Variants in ATP8B1 observed in about 807,000 individuals in gnomAD.
ATP8B1 encodes the protein ATPase phospholipid transporting 8B1.
A neutral mutation model predicts 149.9 loss-of-function variants in ATP8B1; 80 were observed. That is an observed-to-expected ratio of 0.53 (90% CI 0.45 to 0.64). The LOEUF is 0.64. Among genes scored for constraint, ATP8B1 ranks in the 30% least tolerant of loss-of-function variants. The probability of loss-of-function intolerance (pLI) is 0.00; values close to 1 mark genes in which losing one functional copy is unlikely to be tolerated. For synonymous variants in ATP8B1, 536 were observed against 562.8 expected (o/e 0.95, Z 0.67); for missense variants, 1,247 against 1,552.6 (o/e 0.80, Z 3.31).
intron 1 of ATP8B1, among the ~76,000 whole-genome samples, chr18:57,750,604 G>A (rs2080007013): frequency 6.6e-6 from 1 of 152,162 alleles, no homozygotes; most frequent in Non-Finnish European, 1.5e-5. Flanking sequence ...CCGCAGCTAG[G>A]CCTGCCTTAT....
chr18:57,663,427 C>T (rs1910627742), intron 20 of ATP8B1, among the ~76,000 whole-genome samples: 1 of 152,088 alleles, frequency 6.6e-6, no homozygotes, highest in Admixed American at 6.6e-5. Context: ...ATCCTGCTTT[C>T]AATTATTTTG....
rs547538681 is a variant in ATP8B1, at chr18:57,778,933, T to C, written c.-26+24065A>G. Among the ~76,000 whole-genome samples the C allele has an allele frequency of 2.0e-5, 3 of 152,152 alleles. No homozygotes were observed. The South Asian group carries it at 6.2e-4, about 32-fold the overall frequency. On this transcript the variant is annotated intron_variant, in intron 1 of 27. Coordinates refer to ENST00000648908, the MANE Select transcript of ATP8B1 (RefSeq NM_001374385.1). ...GAGGATTTCCCAGAAACAGAAGAAA[T>C]CACAAATTACACTTCACAAGAATCC...
At chr18:57,748,875 T>C (rs1418756893) in intron 1 of ATP8B1, among the ~76,000 whole-genome samples, 2 of 152,250 alleles carry the variant, frequency 1.3e-5, no homozygotes, top group Non-Finnish European at 2.9e-5. Context: ...CAGAAGGAAC[T>C]GCAACTGGTG....
intron 1 of ATP8B1, among the ~76,000 whole-genome samples, chr18:57,781,097 G>A (rs2080352003): frequency 1.3e-5 from 2 of 152,092 alleles, no homozygotes; most frequent in Non-Finnish European, 1.5e-5. Context: ...TCATCTCCAA[G>A]AACACCAAAA....
chr18:57,668,429 C>G lies in ATP8B1; in HGVS notation c.2209G>C (p.Glu737Gln). ...KIWVLTGDKK[E>Q]TAENIGFACE... ...TATGCTTCCCTGCACAATGAATTAC[C>G]CTTTTTGTCTCCAGTAAGCACCCAG... The change falls in exon 19 of 28, where the codon GAA (glutamate) becomes CAA (glutamine). Residue 737 changes from glutamate (E) to glutamine (Q), a missense_variant and splice_region_variant. By Grantham distance (29) the Glu-to-Gln change is conservative (BLOSUM62 2). This residue lies in a region of ATP8B1 where 853 missense variants were observed against 1,035.7 expected (regional missense o/e 0.82). Coordinates refer to ENST00000648908, the MANE Select transcript of ATP8B1 (RefSeq NM_001374385.1). 6.3e-7 allele frequency: 1 copy of G among 1,596,876 alleles called. No individual in the cohort carries two copies. Among genetic ancestry groups the G allele is most frequent in the Non-Finnish European group, 8.6e-7 (1 of 1,164,728 alleles).
intron 2 of ATP8B1, among the ~76,000 whole-genome samples, chr18:57,714,103 G>A (rs1248365400): frequency 6.6e-6 from 1 of 152,202 alleles, no homozygotes; most frequent in African/African-American, 2.4e-5. Context: ...CAAGCTGACT[G>A]AAGAGGCCAT....
chr18:57,698,206 T>C lies in ATP8B1; in HGVS notation c.555-339A>G, dbSNP rs1403208845. Among the ~76,000 whole-genome samples, 11 of 152,214 alleles carry C rather than the reference T, an allele frequency of 7.2e-5. No individual in the cohort carries two copies. The South Asian group carries it at 1.2e-3, about 17-fold the overall frequency. ...GCCTCCCTGCTGTGTTCCTTCTCAG[T>C]GACCCATCACTTGCTCCATGCTGGT... On this transcript the variant is annotated intron_variant, in intron 6 of 27. Transcript: ENST00000648908.
chr18:57,759,591 C>T (rs887258054), intron 1 of ATP8B1, among the ~76,000 whole-genome samples: 4 of 151,854 alleles, frequency 2.6e-5, no homozygotes, highest in Non-Finnish European at 4.4e-5. Context: ...GGGCGGATCA[C>T]GAGGTCAGGA....
At chr18:57,668,237 AG>A in intron 19 of ATP8B1, 191 bp downstream of exon 19, 1 of 1,424,092 alleles carries the variant, frequency 7.0e-7, no homozygotes, top group Non-Finnish European at 9.4e-7. Context: ...ACTGCTACTG[AG>A]GGGGATCAGG....
chr18:57,732,145 G>GTGTA (rs1568043957), intron 1 of ATP8B1: 3 of 31,098 alleles, frequency 9.6e-5, no homozygotes, highest in African/African-American at 3.1e-4. Flanking sequence ...GTATATATGT[G>GTGTA]TATATATGTA....
intron 1 of ATP8B1, among the ~76,000 whole-genome samples, chr18:57,763,375 A>G (rs2123338533): frequency 6.7e-6 from 1 of 149,818 alleles, no homozygotes; most frequent in Non-Finnish European, 1.5e-5. Context: ...CTGGGCAAGA[A>G]GAGCGAAACC....
chr18:57,675,470 C>T (rs1396712253), intron 15 of ATP8B1, among the ~76,000 whole-genome samples: 1 of 152,220 alleles, frequency 6.6e-6, no homozygotes, highest in Non-Finnish European at 1.5e-5. Flanking sequence ...AATATGTTAT[C>T]ATTTTCCCAT....
intron 15 of ATP8B1, among the ~76,000 whole-genome samples, chr18:57,677,204 T>G (rs1911648676): frequency 6.6e-6 from 1 of 152,210 alleles, no homozygotes; most frequent in Non-Finnish European, 1.5e-5. Context: ...CTAGGGGGAT[T>G]GATAATGTTC....
intron 1 of ATP8B1, among the ~76,000 whole-genome samples, chr18:57,741,255 A>G (rs1005477315): frequency 3.9e-5 from 6 of 152,128 alleles, no homozygotes; most frequent in African/African-American, 7.2e-5. Flanking sequence ...CTTCTAACCA[A>G]TAGAATATGG....
chr18:57,668,280 G>C, intron 19 of ATP8B1, 149 bp downstream of exon 19: 1 of 1,337,002 alleles, frequency 7.5e-7, no homozygotes, highest in Non-Finnish European at 1.0e-6. Context: ...TGGAAAAACA[G>C]AGGAGGGTTT....
chr18:57,704,630 G>C lies in ATP8B1; in HGVS notation c.318C>G (p.Thr106=). 6.2e-7 allele frequency: 1 copy of C among 1,611,136 alleles called. No individual in the cohort carries two copies. Among genetic ancestry groups the C allele is most frequent in the Non-Finnish European group, 8.5e-7 (1 of 1,177,338 alleles). Residue 106 remains threonine, a synonymous_variant, in exon 4 of 28, where the codon ACC becomes ACG. Coordinates refer to ENST00000648908, the MANE Select transcript of ATP8B1 (RefSeq NM_001374385.1). ...AIKTYKYNAF[T]FIPMNLFEQF... ...GCTCAAACAGATTCATTGGTATAAAGGTAAATGCGTTGTACTTGTATGTTT... is the reference window on the plus strand; with the variant it reads ...GCTCAAACAGATTCATTGGTATAAACGTAAATGCGTTGTACTTGTATGTTT...
At chr18:57,736,292 T>G (rs1173587561) in intron 1 of ATP8B1, among the ~76,000 whole-genome samples, 1 of 152,150 alleles carries the variant, frequency 6.6e-6, no homozygotes, top group Non-Finnish European at 1.5e-5. Flanking sequence ...GTTGATTGCT[T>G]CCCTTGCTGA....
At chr18:57,730,244 T>G (rs28673158) in intron 2 of ATP8B1, among the ~76,000 whole-genome samples, 10,845 of 139,684 alleles carry the variant, frequency 0.078, 614 homozygotes, top group African/African-American at 0.17. Context: ...AGAGGGGGGG[T>G]TTGGCATGGG....
chr18:57,667,728 CTGT>C (rs948693025), intron 19 of ATP8B1: 1 of 175,956 alleles, frequency 5.7e-6, no homozygotes, highest in Non-Finnish European at 1.2e-5. Context: ...TTCAATTACT[CTGT>C]TATTGGCGGG....
Sources: gnomAD v4.1 joint callset for allele counts (sites outside exome capture counted in the v4.1 genomes callset) on GRCh38, gnomAD v4.1.1 for gene constraint, gnomAD v4.1.1 regional missense constraint, MANE v1.5 for transcripts, NCBI Gene and HGNC (gene_info 2026-07-23, HGNC 2026-07-21) for gene names.